Variants in TIAL1 observed in about 807,000 individuals in gnomAD.
The protein encoded by TIAL1 is nucleolysin TIAR.
A neutral mutation model predicts 59.7 loss-of-function variants in TIAL1; 7 were observed. The observed-to-expected ratio is 0.12, with a 90% CI of 0.07 to 0.22. The LOEUF (loss-of-function observed/expected upper bound fraction) is 0.22, where lower values mean the gene tolerates loss of function less well. Among genes scored for constraint, TIAL1 ranks in the 10% least tolerant of loss-of-function variants. The probability of loss-of-function intolerance (pLI) is 1.00; values close to 1 mark genes in which losing one functional copy is unlikely to be tolerated. For missense variants in TIAL1, 225 were observed against 462.5 expected, an observed-to-expected ratio of 0.49 and a Z score of 4.71; for synonymous variants, 149 against 146.3, an observed-to-expected ratio of 1.02 and a Z score of -0.13.
intron 2 of TIAL1, among the ~76,000 whole-genome samples, chr10:119,583,182 C>T (rs1044963110): frequency 2.0e-5 from 3 of 152,070 alleles, no homozygotes; most frequent in African/African-American, 7.2e-5. Flanking sequence ...CCAAAATAGT[C>T]TAATGTACTG....
chr10:119,590,762 G>GAGAAACAA, intron 1 of TIAL1, among the ~76,000 whole-genome samples: 1 of 125,400 alleles, frequency 8.0e-6, no homozygotes, highest in Non-Finnish European at 1.7e-5. Context: ...GAGAGAAAGA[G>GAGAAACAA]AGAAAGAAAG....
chr10:119,588,287 T>C, intron 1 of TIAL1, 39 bp from the exon 2 acceptor site: 1 of 1,307,740 alleles, frequency 7.6e-7, no homozygotes, highest in Non-Finnish European at 1.1e-6. Context: ...AATTTTTCCT[T>C]TAGCTCTGGC....
At chr10:119,589,708 A>T (rs951556167) in intron 1 of TIAL1, among the ~76,000 whole-genome samples, 26 of 152,188 alleles carry the variant, frequency 1.7e-4, no homozygotes, top group Non-Finnish European at 1.5e-4. Context: ...AAAAAATGCT[A>T]CTTCATCACA....
At chr10:119,581,364 T>C (rs920011343) in intron 5 of TIAL1, among the ~76,000 whole-genome samples, 1 of 152,018 alleles carries the variant, frequency 6.6e-6, no homozygotes, top group Non-Finnish European at 1.5e-5. Context: ...AATCCCACAT[T>C]TATGACTCAT....
intron 5 of TIAL1, chr10:119,580,378 TA>T: frequency 2.1e-6 from 1 of 472,638 alleles, no homozygotes; most frequent in South Asian, 7.3e-5. Context: ...ATGCAATCTC[TA>T]AATAGTTAAA....
Position 119,573,778 on chromosome 10 carries a change from A to G in TIAL1, c.*1887T>C, listed in dbSNP as rs1844816842. 1 of 152,260 alleles carries G rather than the reference A, an allele frequency of 6.6e-6. No homozygotes were observed. The highest frequency in any genetic ancestry group is 2.1e-4 in the South Asian group (1 of 4,834). 9.4% of individuals were successfully genotyped at this position (152,260 alleles called of 1,614,324 possible). ...TACTATAAACAAAAGAAATAAGGGT[A>G]TATTTTATAACAGAAGAGTGTAATA... On this transcript the variant is annotated 3_prime_UTR_variant, in exon 12 of 12. Transcript: ENST00000436547.
At chr10:119,583,957 A>G (rs918798032) in intron 2 of TIAL1, among the ~76,000 whole-genome samples, 3 of 152,244 alleles carry the variant, frequency 2.0e-5, no homozygotes, top group Non-Finnish European at 2.9e-5. Flanking sequence ...ATCAAAATAA[A>G]TAAGAGGCTA....
chr10:119,596,319 G>C (rs1441382589), intron 1 of TIAL1, 115 bp downstream of exon 1: 1 of 1,178,078 alleles, frequency 8.5e-7, no homozygotes, highest in East Asian at 2.4e-5. Context: ...ACGCCGCCCT[G>C]GTCAGGGAGC....
At chr10:119,586,243 C>T (rs952611798) in intron 2 of TIAL1, among the ~76,000 whole-genome samples, 1 of 152,194 alleles carries the variant, frequency 6.6e-6, no homozygotes, top group Non-Finnish European at 1.5e-5. Flanking sequence ...AGGTCACCCC[C>T]ACTTTAGCAA....
At chr10:119,577,315 G>T (rs759030457) in intron 9 of TIAL1, 112 bp from the exon 10 acceptor site, 1 of 1,442,576 alleles carries the variant, frequency 6.9e-7, no homozygotes, top group Non-Finnish European at 9.2e-7. Flanking sequence ...TTTTTCTAAA[G>T]TACATTAGGT....
rs1353477856 is a variant in TIAL1, at chr10:119,575,648, T to G, written c.*17A>C. 2 of 1,613,542 alleles carry G rather than the reference T, an allele frequency of 1.2e-6. No individual in the cohort carries two copies. Among genetic ancestry groups the G allele is most frequent in the Non-Finnish European group, 1.7e-6 (2 of 1,179,792 alleles). On this transcript the variant is annotated 3_prime_UTR_variant, in exon 12 of 12. Transcript: ENST00000436547. ...CGAAGCCTATCATGAATTACAATTT[T>G]TTTTTAGAGTCCCGGCTCACTGTGT... is the stretch of plus-strand genomic sequence containing the variant.
At chr10:119,581,621 G>A (rs1845310208) in intron 5 of TIAL1, 1 of 224,578 alleles carries the variant, frequency 4.5e-6, no homozygotes, top group Admixed American at 5.2e-5. Context: ...ATGACAAAAA[G>A]CTAGACTTTA....
At chr10:119,595,398 G>A (rs1392232836) in intron 1 of TIAL1, among the ~76,000 whole-genome samples, 2 of 150,402 alleles carry the variant, frequency 1.3e-5, no homozygotes, top group Non-Finnish European at 2.9e-5. Flanking sequence ...GGAAATTAGG[G>A]TGCCCAATTT....
chr10:119,595,578 G>C (rs1053145180), intron 1 of TIAL1, among the ~76,000 whole-genome samples: 10 of 152,176 alleles, frequency 6.6e-5, no homozygotes, highest in African/African-American at 2.2e-4. Flanking sequence ...ATTAGATTGA[G>C]CTTCAGGTAA....
intron 2 of TIAL1, among the ~76,000 whole-genome samples, chr10:119,586,796 C>T (rs1371166654): frequency 2.6e-5 from 4 of 152,194 alleles, no homozygotes; most frequent in Non-Finnish European, 5.9e-5. Context: ...CCTCTGCCTC[C>T]AGCTCTTACC....
At chr10:119,575,824 A>G in intron 11 of TIAL1, 33 bp from the exon 12 acceptor site, 1 of 1,517,524 alleles carries the variant, frequency 6.6e-7, no homozygotes, top group African/African-American at 1.4e-5. Flanking sequence ...TTCAGCAAAC[A>G]CAAGAAAAAA....
chr10:119,579,842 A>G, intron 6 of TIAL1, 93 bp downstream of exon 6: 4 of 923,494 alleles, frequency 4.3e-6, no homozygotes, highest in Non-Finnish European at 6.3e-6. Flanking sequence ...TGTAGTTAAC[A>G]TTCAAGTATA....
chr10:119,585,122 C>CAAAAAA (rs34500092), intron 2 of TIAL1, among the ~76,000 whole-genome samples: 1 of 46,522 alleles, frequency 2.1e-5, no homozygotes, highest in Non-Finnish European at 4.1e-5. Flanking sequence ...GATTCCATCT[C>CAAAAAA]AAAAAAAAAA....
In TIAL1 at chr10:119,581,945, T is replaced by C; in HGVS notation, c.348A>G (p.Ala116=). The C allele has an allele frequency of 6.2e-7, 1 of 1,613,558 alleles. No individual in the cohort carries two copies. Among genetic ancestry groups the C allele is most frequent in the Non-Finnish European group, 8.5e-7 (1 of 1,179,608 alleles). The change falls in exon 5 of 12, where the codon GCA becomes GCG. Residue 116 remains alanine, a synonymous_variant. Transcript: ENST00000436547. ...ACGATATTTTACCAAAGGGGGCAAA[T>C]GCTGATTTGATATCTTCTGTTGTAA... ...PEITTEDIKS[A]FAPFGKISDA... is the part of the protein sequence containing the mutation.
Sources: allele counts gnomAD v4.1 joint callset (sites outside exome capture counted in the v4.1 genomes callset), GRCh38; gene constraint gnomAD v4.1.1; transcripts MANE v1.5; gene names NCBI Gene and HGNC (gene_info 2026-07-23, HGNC 2026-07-21).